ITGB5: variants seen among roughly 807,000 people sequenced by gnomAD.
ITGB5 encodes the protein integrin subunit beta 5.
ITGB5 carries 38 observed loss-of-function variants against 84.8 expected under a neutral mutation model. That is an observed-to-expected ratio of 0.45 (90% CI 0.35 to 0.59). The LOEUF (loss-of-function observed/expected upper bound fraction) is 0.59. ITGB5 is among the 20% of genes least tolerant of loss of function. The probability of loss-of-function intolerance (pLI) is 0.01; values close to 1 mark genes in which losing one functional copy is unlikely to be tolerated. For synonymous variants in ITGB5, 393 were observed against 414.4 expected, an observed-to-expected ratio of 0.95 and a Z score of 0.63; for missense variants, 905 against 1,034.5, an observed-to-expected ratio of 0.87 and a Z score of 1.72.
At chr3:124,874,433 A>T (rs1934213276) in intron 1 of ITGB5, among the ~76,000 whole-genome samples, 1 of 152,204 alleles carries the variant, frequency 6.6e-6, no homozygotes, top group Non-Finnish European at 1.5e-5. Flanking sequence ...ATCCAGTCTA[A>T]AAATTTAATT....
intron 5 of ITGB5, 49 bp from the exon 6 acceptor site, chr3:124,821,523 G>T (rs777544768): frequency 1.1e-5 from 18 of 1,598,674 alleles, no homozygotes; most frequent in East Asian, 2.2e-5. Context: ...GCCCAGTCCT[G>T]CCCTGGTCAT....
At chr3:124,880,981 A>AGTTTGTTTGTTT (rs113633976) in intron 1 of ITGB5, among the ~76,000 whole-genome samples, 2 of 147,824 alleles carry the variant, frequency 1.4e-5, no homozygotes, top group African/African-American at 5.3e-5. Context: ...CATATGTAAA[A>AGTTTGTTTGTTT]GTTTGTTTGT....
At chr3:124,896,757 A>G (rs932029264) in intron 1 of ITGB5, among the ~76,000 whole-genome samples, 1 of 148,762 alleles carries the variant, frequency 6.7e-6, no homozygotes, top group African/African-American at 2.5e-5. Flanking sequence ...AAAAAAAAAA[A>G]AAAAAAGGGA....
chr3:124,774,494 A>G (rs1163581169), intron 10 of ITGB5, among the ~76,000 whole-genome samples: 1 of 152,134 alleles, frequency 6.6e-6, no homozygotes, highest in African/African-American at 2.4e-5. Context: ...AATGCGAGGA[A>G]TGCAGCTCTG....
chr3:124,863,601 C>T (rs991290665), intron 2 of ITGB5, among the ~76,000 whole-genome samples: 1 of 152,140 alleles, frequency 6.6e-6, no homozygotes, highest in African/African-American at 2.4e-5. Context: ...TCACTGCAAC[C>T]TCTGCTTCCT....
At chr3:124,888,403 T>C (rs186294453), upstream of ITGB5, among the ~76,000 whole-genome samples, 250 of 151,646 alleles carry the variant, frequency 1.6e-3, no homozygotes, top group African/African-American at 5.6e-3. Context: ...CAATAAAGAG[T>C]GGGGTGGGGT....
chr3:124,785,045 C>A (rs748754127), intron 10 of ITGB5, among the ~76,000 whole-genome samples: 1 of 152,124 alleles, frequency 6.6e-6, no homozygotes, highest in Non-Finnish European at 1.5e-5. Flanking sequence ...AGCCATGAGG[C>A]GGCAGGGAAG....
Position 124,765,717 on chromosome 3 carries a change from A to G in ITGB5, c.2137+509T>C, listed in dbSNP as rs114685976. On this transcript the variant is annotated intron_variant, in intron 13 of 14. Coordinates refer to ENST00000296181, the MANE Select transcript of ITGB5 (RefSeq NM_002213.5). Reference sequence around the variant, plus strand: ...CCAGCTGCACATTCATCTTTCTTCTAAACTCTAGGAGTGGAGCAGCAGTGA... The same window carrying G: ...CCAGCTGCACATTCATCTTTCTTCTGAACTCTAGGAGTGGAGCAGCAGTGA... 6.7e-3 allele frequency among the ~76,000 whole-genome samples: 1,022 copies of G among 152,276 alleles called. 8 individuals carry two copies. Among genetic ancestry groups the G allele is most frequent in the African/African-American group, 0.023 (939 of 41,556 alleles).
chr3:124,861,142 G>C (rs1010689270), intron 2 of ITGB5, among the ~76,000 whole-genome samples: 2 of 152,094 alleles, frequency 1.3e-5, no homozygotes, highest in Non-Finnish European at 2.9e-5. Flanking sequence ...AGTAAAGCCA[G>C]ATGTATTGTC....
intron 9 of ITGB5, among the ~76,000 whole-genome samples, chr3:124,804,766 G>T (rs2064368986): frequency 6.6e-6 from 1 of 151,632 alleles, no homozygotes; most frequent in African/African-American, 2.4e-5. Flanking sequence ...TTCCAGGTTT[G>T]AGCGATTCTC....
chr3:124,865,490 T>TTTTC (rs2065375540), intron 2 of ITGB5, among the ~76,000 whole-genome samples: 1 of 139,666 alleles, frequency 7.2e-6, no homozygotes, highest in African/African-American at 2.7e-5. Flanking sequence ...TCTTTTTTTT[T>TTTTC]TTTTTTTTTT....
intron 1 of ITGB5, among the ~76,000 whole-genome samples, chr3:124,881,232 C>A (rs1423295097): frequency 6.6e-6 from 1 of 152,110 alleles, no homozygotes; most frequent in African/African-American, 2.4e-5. Context: ...AATCTGCCTG[C>A]CTCGGCCTCC....
At chr3:124,771,772 T>C (rs1446633744) in intron 11 of ITGB5, among the ~76,000 whole-genome samples, 1 of 125,098 alleles carries the variant, frequency 8.0e-6, no homozygotes, top group Non-Finnish European at 1.6e-5. Flanking sequence ...AAAAAAGGAA[T>C]CGTGATATTC....
intron 1 of ITGB5, among the ~76,000 whole-genome samples, chr3:124,881,854 G>C (rs757777675): frequency 1.2e-4 from 18 of 152,158 alleles, no homozygotes; most frequent in Non-Finnish European, 2.2e-4. Flanking sequence ...TGTAATCCCA[G>C]CTACTCGGGA....
At chr3:124,766,067 A>AAAAG (rs1161762516) in intron 13 of ITGB5, among the ~76,000 whole-genome samples, 159 bp downstream of exon 13, 3 of 151,780 alleles carry the variant, frequency 2.0e-5, no homozygotes, top group African/African-American at 7.3e-5. Flanking sequence ...GTCAAAAAAA[A>AAAAG]AAAAAAAAAG....
At position 124,768,915 on chromosome 3, in the gene ITGB5, G is replaced by A. The variant is rs953592519; in HGVS notation, c.2017+98C>T. ...CATGGGGAGCCCACAGTTATGCCCA[G>A]GAAGCCTGGGCAGTGCCTCCTGACT... On this transcript the variant is annotated intron_variant, in intron 12 of 14. Coordinates refer to ENST00000296181, the MANE Select transcript of ITGB5 (RefSeq NM_002213.5). 4 of 856,678 alleles carry A rather than the reference G, an allele frequency of 4.7e-6. No individual in the cohort carries two copies. The African/African-American group carries it at 6.7e-5, about 14-fold the overall frequency. 53.1% of individuals were successfully genotyped at this position (856,678 alleles called of 1,614,324 possible).
intron 9 of ITGB5, among the ~76,000 whole-genome samples, chr3:124,801,872 T>C (rs1012067879): frequency 2.6e-5 from 4 of 152,042 alleles, no homozygotes; most frequent in Non-Finnish European, 5.9e-5. Context: ...CTTGCCTCCA[T>C]GGCCGTCACC....
chr3:124,820,143 AG>A (rs2064678200), intron 6 of ITGB5, among the ~76,000 whole-genome samples: 2 of 152,118 alleles, frequency 1.3e-5, no homozygotes, highest in South Asian at 4.2e-4. Context: ...TTCAGCAGGG[AG>A]GGGGACTAGT....
chr3:124,854,443 G>A (rs2065195571), intron 3 of ITGB5, among the ~76,000 whole-genome samples: 1 of 152,198 alleles, frequency 6.6e-6, no homozygotes, highest in Admixed American at 6.5e-5. Context: ...AAAAAGGAAT[G>A]AAGTACATGC....
Sources: gnomAD v4.1 joint callset for allele counts (sites outside exome capture counted in the v4.1 genomes callset) on GRCh38, gnomAD v4.1.1 for gene constraint, MANE v1.5 for transcripts, NCBI Gene and HGNC (gene_info 2026-07-23, HGNC 2026-07-21) for gene names.